Variants in DZANK1 observed in about 807,000 individuals in gnomAD.
The protein encoded by DZANK1 is double zinc ribbon and ankyrin repeat domains 1, also known as double zinc ribbon and ankyrin repeat-containing protein 1.
DZANK1 carries 91 observed loss-of-function variants against 94.5 expected under a neutral mutation model. The ratio of observed to expected loss-of-function variants is 0.96; its 90% CI spans 0.81 to 1.15. DZANK1 has a LOEUF of 1.15. Ranked by LOEUF, DZANK1 falls within the 50% of genes most tolerant of loss-of-function variation. DZANK1 has a pLI of 0.00. For missense variants in DZANK1, 903 were observed against 916.4 expected, an observed-to-expected ratio of 0.99 and a Z score of 0.19; for synonymous variants, 312 against 325.3, an observed-to-expected ratio of 0.96 and a Z score of 0.44.
At chr20:18,424,469 C>A (rs376236864) in intron 10 of DZANK1, among the ~76,000 whole-genome samples, 1,399 of 100,190 alleles carry the variant, frequency 0.014, 11 homozygotes, top group African/African-American at 0.042. Context: ...ACAACAACAA[C>A]AAAAAAAAAA....
At position 18,394,152 on chromosome 20, in the gene DZANK1, C is replaced by A. The variant is rs1307482400; in HGVS notation, c.1708+102G>T. The A allele has an allele frequency of 6.1e-6, 6 of 986,650 alleles. No individual in the cohort carries two copies. In the African/African-American group the frequency reaches 6.5e-5, roughly 11 times the overall value. The allele number at this position is 986,650 out of a possible 1,614,324, so 61.1% of individuals were successfully genotyped here. A position where few individuals can be genotyped will look rare whatever the true frequency, so the allele number is the denominator to read the frequency against. On this transcript the variant is annotated intron_variant, in intron 16 of 20. Transcript: ENST00000262547. ...AACGTCTGGAACATAACTGCAAGAT[C>A]TGTGACCGGGCTGTCAAACTCTTAG... is the stretch of plus-strand genomic sequence containing the variant.
At chr20:18,415,102 G>A (rs183120992) in intron 11 of DZANK1, among the ~76,000 whole-genome samples, 8 of 152,286 alleles carry the variant, frequency 5.3e-5, no homozygotes, top group Admixed American at 1.3e-4. Flanking sequence ...GTCAATAAAC[G>A]AGTGAAAAGG....
chr20:18,415,977 T>C (rs1044562849), intron 10 of DZANK1, among the ~76,000 whole-genome samples: 2 of 152,232 alleles, frequency 1.3e-5, no homozygotes, highest in African/African-American at 4.8e-5. Flanking sequence ...TTTGAATCTG[T>C]TGCTTCCTCA....
intron 10 of DZANK1, among the ~76,000 whole-genome samples, chr20:18,416,755 C>T (rs1432305042): frequency 2.0e-5 from 3 of 152,034 alleles, no homozygotes; most frequent in Non-Finnish European, 4.4e-5. Context: ...TCTTTGTGTG[C>T]GCTTGCCTTC....
chr20:18,451,995 G>A (rs768686428), intron 6 of DZANK1: 16 of 510,250 alleles, frequency 3.1e-5, no homozygotes, highest in Non-Finnish European at 5.8e-5. Context: ...AATTAGAATA[G>A]AATTCAAACT....
At chr20:18,461,646 C>T (rs1343060406) in intron 2 of DZANK1, among the ~76,000 whole-genome samples, 1 of 148,198 alleles carries the variant, frequency 6.7e-6, no homozygotes, top group African/African-American at 2.5e-5. Flanking sequence ...GTCATCCTGA[C>T]TGGAGTGCAG....
At chr20:18,438,933 G>A (rs1483900613) in intron 8 of DZANK1, among the ~76,000 whole-genome samples, 1 of 152,150 alleles carries the variant, frequency 6.6e-6, no homozygotes, top group Admixed American at 6.5e-5. Flanking sequence ...ACCTCCCAAA[G>A]ACCCAACCTT....
chr20:18,414,970 G>A (rs1302980244), intron 11 of DZANK1, among the ~76,000 whole-genome samples: 2 of 152,142 alleles, frequency 1.3e-5, no homozygotes, highest in Admixed American at 6.5e-5. Context: ...AGAGAGAGAG[G>A]AGACTAACCC....
At chr20:18,454,282 C>T (rs2059207207) in intron 4 of DZANK1, 1 of 334,250 alleles carries the variant, frequency 3.0e-6, no homozygotes, top group Non-Finnish European at 5.9e-6. Context: ...TAAGCACTTG[C>T]TGACATATGT....
intron 17 of DZANK1, among the ~76,000 whole-genome samples, chr20:18,393,155 G>A (rs2056114033): frequency 1.3e-5 from 2 of 152,080 alleles, no homozygotes; most frequent in South Asian, 4.2e-4. Context: ...AGGGTGTAGA[G>A]GGAAAGGAAA....
chr20:18,422,510 T>C (rs1341803543), intron 10 of DZANK1, among the ~76,000 whole-genome samples: 1 of 152,244 alleles, frequency 6.6e-6, no homozygotes, highest in East Asian at 1.9e-4. Context: ...ACCTATGTGA[T>C]GGGTCACAGT....
In DZANK1 at chr20:18,448,866, CAAAA is replaced by C. The variant is rs1204337584; in HGVS notation, c.629+114_629+117del. On this transcript the variant is annotated intron_variant, in intron 7 of 20. Coordinates refer to ENST00000262547, the Ensembl canonical transcript of DZANK1. Reference sequence around the variant, plus strand: ...AGGGTGACAGAGTGAGACTCCGTCTCAAAAAAAAAAAAAAAAAAAAGTTGGAGGT... The same window carrying C: ...AGGGTGACAGAGTGAGACTCCGTCTCAAAAAAAAAAAAAAAAGTTGGAGGT... The C allele has an allele frequency of 8.8e-3, 4,095 of 467,494 alleles. 13 individuals are homozygous for C. The highest frequency in any genetic ancestry group is 0.011 in the South Asian group (477 of 42,356). 29.0% of individuals were successfully genotyped at this position (467,494 alleles called of 1,614,324 possible). A position where few individuals can be genotyped will look rare whatever the true frequency, so the allele number is the denominator to read the frequency against.
chr20:18,435,055 C>A (rs1684618725), intron 8 of DZANK1, among the ~76,000 whole-genome samples: 1 of 152,164 alleles, frequency 6.6e-6, no homozygotes, highest in South Asian at 2.1e-4. Context: ...AGGCCCAAGC[C>A]ACCCACACCG....
intron 4 of DZANK1, 125 bp downstream of exon 4, chr20:18,455,122 T>G (rs1034102422): frequency 1.5e-6 from 1 of 663,096 alleles, no homozygotes; most frequent in East Asian, 2.8e-5. Context: ...TGGTTGATAA[T>G]GACTTCAGTT....
Position 18,443,399 on chromosome 20 carries a change from G to A in DZANK1, c.695C>T (p.Ser232Phe), listed in dbSNP as rs760643593. ...ACAGCCAAATATGGGTGGGACAGGA[G>A]AGCCACATTCTTGACAGAAGCGAGC... is the stretch of plus-strand genomic sequence containing the variant. Residue 232 changes from serine (S) to phenylalanine (F), a missense_variant, in exon 8 of 21, where the codon TCT becomes TTT. Ser to Phe is a radical substitution (Grantham distance 155). Coordinates refer to ENST00000262547, the Ensembl canonical transcript of DZANK1. 1 of 1,546,244 alleles carries A rather than the reference G, an allele frequency of 6.5e-7. No individual in the cohort carries two copies.
At chr20:18,398,750 T>C (rs1056230691) in intron 13 of DZANK1, 124 bp from the exon 14 acceptor site, 12 of 899,846 alleles carry the variant, frequency 1.3e-5, no homozygotes, top group Middle Eastern at 2.2e-4. Flanking sequence ...TGATGGACTT[T>C]CCTTAGTGAA....
intron 2 of DZANK1, among the ~76,000 whole-genome samples, chr20:18,464,807 C>A (rs2148835261): frequency 6.6e-6 from 1 of 151,142 alleles, no homozygotes; most frequent in East Asian, 2.0e-4. Context: ...TCCTGAGTTG[C>A]TAGGATTACA....
At chr20:18,465,333 G>A (rs1212151042) in exon 2 of DZANK1, 1 of 1,607,666 alleles carries the variant, frequency 6.2e-7, no homozygotes, top group Admixed American at 1.7e-5. Context: ...TATGATCTGA[G>A]GGACACACAC....
intron 13 of DZANK1, among the ~76,000 whole-genome samples, chr20:18,404,001 T>C (rs1264316150): frequency 1.3e-5 from 2 of 152,114 alleles, no homozygotes; most frequent in Non-Finnish European, 1.5e-5. Context: ...GGTTTTGCCA[T>C]GTTGGCGAGG....
Sources: gnomAD v4.1 joint callset for allele counts (sites outside exome capture counted in the v4.1 genomes callset) on GRCh38, gnomAD v4.1.1 for gene constraint, MANE v1.5 for transcripts, NCBI Gene and HGNC (gene_info 2026-07-23, HGNC 2026-07-21) for gene names.